Variants in HORMAD2 observed in about 807,000 individuals in gnomAD.
HORMAD2 encodes the protein HORMA domain-containing protein 2.
In HORMAD2, 45 loss-of-function variants were observed where a neutral mutation model predicts 38.8. The observed-to-expected ratio is 1.16, with a 90% CI of 0.91 to 1.49. The LOEUF (loss-of-function observed/expected upper bound fraction) is 1.49, where lower values mean the gene tolerates loss of function less well. Ranked by LOEUF, HORMAD2 falls within the 40% of genes most tolerant of loss-of-function variation. The pLI is 0.00. For synonymous variants in HORMAD2, 126 were observed against 122.8 expected, an observed-to-expected ratio of 1.03 and a Z score of -0.17; for missense variants, 338 against 367.0, an observed-to-expected ratio of 0.92 and a Z score of 0.65.
intron 10 of HORMAD2, among the ~76,000 whole-genome samples, chr22:30,171,732 G>A (rs1333666854): frequency 6.6e-6 from 1 of 152,086 alleles, no homozygotes; most frequent in Non-Finnish European, 1.5e-5. Context: ...TAATCTCCTA[G>A]AACTCTATAC....
the HORMAD2 span, among the ~76,000 whole-genome samples, chr22:30,203,303 G>A: frequency 6.6e-6 from 1 of 151,006 alleles, no homozygotes; most frequent in Non-Finnish European, 1.5e-5. Context: ...GCTGAGGCAT[G>A]AGAATCGCTT....
intron 5 of HORMAD2, among the ~76,000 whole-genome samples, chr22:30,107,282 A>G (rs995141526): frequency 2.0e-5 from 3 of 152,232 alleles, no homozygotes; most frequent in Non-Finnish European, 4.4e-5. Flanking sequence ...ATTTTACTAA[A>G]TGTCTACCTG....
intron 2 of HORMAD2, among the ~76,000 whole-genome samples, chr22:30,094,745 G>A (rs1379327675): frequency 6.6e-6 from 1 of 152,168 alleles, no homozygotes; most frequent in Non-Finnish European, 1.5e-5. Context: ...GACAGACCTT[G>A]AATGATGAAG....
chr22:30,108,112 T>C (rs1921341352), intron 5 of HORMAD2, among the ~76,000 whole-genome samples: 1 of 152,134 alleles, frequency 6.6e-6, no homozygotes, highest in Non-Finnish European at 1.5e-5. Context: ...TATATTATGC[T>C]TGAATTCTTC....
chr22:30,118,903 C>T (rs1242183282), intron 7 of HORMAD2, 77 bp from the exon 8 acceptor site: 5 of 938,022 alleles, frequency 5.3e-6, no homozygotes, highest in African/African-American at 1.7e-5. Flanking sequence ...TGAAAATGTT[C>T]CTTACTTATG....
the HORMAD2 span, chr22:30,207,045 C>T: frequency 4.3e-6 from 2 of 470,330 alleles, no homozygotes; most frequent in African/African-American, 4.0e-5. Flanking sequence ...CGGCCTTGCT[C>T]ACCCACGGAT....
intron 10 of HORMAD2, among the ~76,000 whole-genome samples, chr22:30,156,474 A>AT (rs1925082906): frequency 1.3e-5 from 2 of 152,154 alleles, no homozygotes; most frequent in African/African-American, 2.4e-5. Flanking sequence ...ATTTCTTCAC[A>AT]TTTTTTCATC....
intron 8 of HORMAD2, 109 bp downstream of exon 8, chr22:30,119,156 A>G (rs985137350): frequency 7.2e-6 from 5 of 698,084 alleles, no homozygotes; most frequent in Non-Finnish European, 9.6e-6. Context: ...TTCCCCACAA[A>G]CCCTACAGAA....
upstream of HORMAD2, among the ~76,000 whole-genome samples, chr22:30,079,807 G>A (rs1442629812): frequency 6.6e-6 from 1 of 152,232 alleles, no homozygotes; most frequent in Non-Finnish European, 1.5e-5. Context: ...AGCTTCCCAA[G>A]TAGCTGGGAC....
At chr22:30,135,363 G>T (rs1923580013) in intron 10 of HORMAD2, among the ~76,000 whole-genome samples, 1 of 151,818 alleles carries the variant, frequency 6.6e-6, no homozygotes, top group African/African-American at 2.4e-5. Flanking sequence ...CTAGCTTCCT[G>T]CTAGGAGGCA....
At chr22:30,191,293 T>C in the HORMAD2 span, among the ~76,000 whole-genome samples, 1 of 152,300 alleles carries the variant, frequency 6.6e-6, no homozygotes. Flanking sequence ...AAGGTTTTTA[T>C]AATGAGACAT....
chr22:30,088,125 G>A (rs142233990), intron 1 of HORMAD2, among the ~76,000 whole-genome samples: 1,889 of 149,264 alleles, frequency 0.013, 37 homozygotes, highest in South Asian at 0.063. Flanking sequence ...ATACACACAC[G>A]TACACATGTG....
chr22:30,175,738 T>A (rs1926416253), intron 10 of HORMAD2, among the ~76,000 whole-genome samples: 1 of 152,140 alleles, frequency 6.6e-6, no homozygotes, highest in South Asian at 2.1e-4. Flanking sequence ...CCCAGATCTC[T>A]CCTAAACCTT....
downstream of HORMAD2, among the ~76,000 whole-genome samples, chr22:30,179,840 T>C (rs1482190980): frequency 9.2e-5 from 14 of 152,322 alleles, no homozygotes; most frequent in Admixed American, 5.9e-4. Context: ...TATAATTCCA[T>C]CATGTTATCC....
At chr22:30,104,905 A>T (rs569130559) in intron 5 of HORMAD2, among the ~76,000 whole-genome samples, 138 of 152,310 alleles carry the variant, frequency 9.1e-4, no homozygotes, top group African/African-American at 3.3e-3. Flanking sequence ...CTCAAATTTT[A>T]AAAAAATACA....
intron 1 of HORMAD2, among the ~76,000 whole-genome samples, chr22:30,087,775 A>C (rs2068596552): frequency 6.6e-6 from 1 of 152,000 alleles, no homozygotes; most frequent in Non-Finnish European, 1.5e-5. Context: ...GCAATAACTC[A>C]CTCACTTACT....
At chr22:30,086,855 C>T (rs1454857726) in intron 1 of HORMAD2, among the ~76,000 whole-genome samples, 2 of 152,146 alleles carry the variant, frequency 1.3e-5, no homozygotes, top group Non-Finnish European at 2.9e-5. Flanking sequence ...AATGCAATGG[C>T]GTGATCTTGG....
chr22:30,147,498 G>C (rs1924491195), intron 10 of HORMAD2, among the ~76,000 whole-genome samples: 1 of 151,930 alleles, frequency 6.6e-6, no homozygotes, highest in Non-Finnish European at 1.5e-5. Context: ...ACACATAAGA[G>C]CTAAAATTAT....
At chr22:30,135,969 G>C (rs1276407701) in intron 10 of HORMAD2, among the ~76,000 whole-genome samples, 2 of 152,184 alleles carry the variant, frequency 1.3e-5, no homozygotes, top group Admixed American at 6.5e-5. Context: ...CCAGTCAGTA[G>C]AGGCAAGCCC....
Sources: allele counts gnomAD v4.1 joint callset (sites outside exome capture counted in the v4.1 genomes callset), GRCh38; gene constraint gnomAD v4.1.1; transcripts MANE v1.5; gene names NCBI Gene and HGNC (gene_info 2026-07-23, HGNC 2026-07-21).